The following CYP3A7 variants were observed in gnomAD, a reference collection of about 807,000 sequenced individuals.
CYP3A7 encodes cytochrome P450 family 3 subfamily A member 7.
Under a neutral mutation model 55.2 loss-of-function variants are expected in CYP3A7, and 45 were observed. The observed-to-expected ratio is 0.82, with a 90% CI of 0.64 to 1.05. The LOEUF (loss-of-function observed/expected upper bound fraction) is 1.05, where lower values mean the gene tolerates loss of function less well. CYP3A7 is among the 50% of genes least tolerant of loss of function. CYP3A7 has a pLI of 0.00. For missense variants in CYP3A7, 548 were observed against 605.3 expected, an observed-to-expected ratio of 0.91 and a Z score of 0.99; for synonymous variants, 180 against 207.4, an observed-to-expected ratio of 0.87 and a Z score of 1.13.
intron 2 of CYP3A7, among the ~76,000 whole-genome samples, chr7:99,722,906 G>C (rs1427397760): frequency 1.3e-5 from 2 of 152,154 alleles, no homozygotes; most frequent in South Asian, 4.1e-4. Context: ...GTGAGTGACA[G>C]AATGACAAAG....
intron 12 of CYP3A7, among the ~76,000 whole-genome samples, chr7:99,706,470 C>T (rs957540176): frequency 3.9e-5 from 6 of 152,172 alleles, no homozygotes; most frequent in Non-Finnish European, 7.3e-5. Flanking sequence ...ATATGGAAAC[C>T]ATCTCTATCT....
In CYP3A7 at chr7:99,722,331, G is replaced by A; in HGVS notation, c.183C>T (p.Asp61=). The change falls in exon 3 of 13, where the codon GAC becomes GAT. Residue 61 remains aspartate (D), a synonymous_variant. Coordinates refer to ENST00000336374, the MANE Select transcript of CYP3A7 (RefSeq NM_000765.5). ...LSFRKGYWTF[D]MECYKKYRKV... Reference sequence around the variant, plus strand: ...TTCTATACTTTTTATAACATTCCATGTCAAACGTCCAATAGCCCTGGGAGG... The same window carrying A: ...TTCTATACTTTTTATAACATTCCATATCAAACGTCCAATAGCCCTGGGAGG... 1 of 1,613,532 alleles carries A rather than the reference G, an allele frequency of 6.2e-7. No homozygotes were observed. Among genetic ancestry groups the A allele is most frequent in the South Asian group, 1.1e-5 (1 of 91,068 alleles).
At chr7:99,719,728 C>G (rs1238836182) in intron 4 of CYP3A7, among the ~76,000 whole-genome samples, 1 of 152,184 alleles carries the variant, frequency 6.6e-6, no homozygotes, top group Non-Finnish European at 1.5e-5. Flanking sequence ...GGGTCTGCAT[C>G]TTGATCATGC....
intron 7 of CYP3A7, chr7:99,715,203 G>A (rs1813893443): frequency 3.4e-5 from 6 of 174,084 alleles, no homozygotes; most frequent in Admixed American, 1.6e-4. Flanking sequence ...AATAGAAACT[G>A]TTTTGAGCTG....
chr7:99,723,611 C>T (rs1163827915), intron 2 of CYP3A7, among the ~76,000 whole-genome samples: 7 of 152,132 alleles, frequency 4.6e-5, no homozygotes, highest in South Asian at 2.1e-4. Flanking sequence ...GGGACTCCTT[C>T]GGGAGTCCCA....
At chr7:99,717,487 T>C (rs1289033462) in intron 5 of CYP3A7, 39 bp downstream of exon 5, 3 of 1,611,090 alleles carry the variant, frequency 1.9e-6, no homozygotes, top group Non-Finnish European at 2.5e-6. Flanking sequence ...CCTGATTCAT[T>C]CTTTAAGTTT....
chr7:99,708,719 C>G (rs1813622080), intron 11 of CYP3A7, among the ~76,000 whole-genome samples: 1 of 152,090 alleles, frequency 6.6e-6, no homozygotes, highest in Non-Finnish European at 1.5e-5. Context: ...AAAAAATATT[C>G]ATTTGTGGGA....
At chr7:99,722,601 G>A (rs1474413880) in intron 2 of CYP3A7, among the ~76,000 whole-genome samples, 2 of 152,122 alleles carry the variant, frequency 1.3e-5, no homozygotes, top group Non-Finnish European at 2.9e-5. Flanking sequence ...TAAATACTAA[G>A]TAACTCCTTG....
chr7:99,726,441 C>T (rs986981142), intron 2 of CYP3A7, among the ~76,000 whole-genome samples: 4 of 152,182 alleles, frequency 2.6e-5, no homozygotes, highest in Non-Finnish European at 4.4e-5. Flanking sequence ...TCCTATCCAC[C>T]CTGTGGTGCC....
At chr7:99,723,210 C>G (rs781368038) in intron 2 of CYP3A7, among the ~76,000 whole-genome samples, 1 of 152,150 alleles carries the variant, frequency 6.6e-6, no homozygotes, top group African/African-American at 2.4e-5. Flanking sequence ...CAACCAAAAA[C>G]TACAAATAGG....
intron 2 of CYP3A7, among the ~76,000 whole-genome samples, chr7:99,727,949 C>T (rs559362455): frequency 1.3e-5 from 2 of 152,338 alleles, no homozygotes; most frequent in African/African-American, 4.8e-5. Context: ...CCAAAAAAAG[C>T]TGGAGTCATT....
chr7:99,717,073 T>G, intron 6 of CYP3A7, 104 bp downstream of exon 6: 9 of 1,455,184 alleles, frequency 6.2e-6, no homozygotes, highest in Non-Finnish European at 7.7e-6. Context: ...GCCCTCCTTT[T>G]GTCTGGTCAC....
At chr7:99,732,328 G>A (rs1022074428) in intron 1 of CYP3A7, among the ~76,000 whole-genome samples, 1 of 152,146 alleles carries the variant, frequency 6.6e-6, no homozygotes, top group Non-Finnish European at 1.5e-5. Flanking sequence ...TATGCTTCCT[G>A]TAGAGCCTGC....
intron 5 of CYP3A7, 89 bp downstream of exon 5, chr7:99,717,437 C>T: frequency 6.3e-7 from 1 of 1,588,816 alleles, no homozygotes; most frequent in Non-Finnish European, 8.6e-7. Flanking sequence ...CAGACTACTC[C>T]TCGGAAAGGA....
At position 99,708,233 on chromosome 7, in the gene CYP3A7, A is replaced by G. The variant is rs564320651; in HGVS notation, c.1254-259T>C. ...ACTGTTGCAAAGTATATTTATTTCT[A>G]AACACTCAAATTATAGTCAGGATGG... On this transcript the variant is annotated intron_variant, in intron 11 of 12. Coordinates refer to ENST00000336374, the MANE Select transcript of CYP3A7 (RefSeq NM_000765.5). Among the ~76,000 whole-genome samples, 7 of 152,278 alleles carry G rather than the reference A, an allele frequency of 4.6e-5. No individual in the cohort carries two copies. In the South Asian group the frequency reaches 8.3e-4, roughly 18 times the overall value.
At chr7:99,722,484 A>G (rs568643960) in intron 2 of CYP3A7, 136 bp from the exon 3 acceptor site, 2 of 1,098,414 alleles carry the variant, frequency 1.8e-6, no homozygotes, top group Non-Finnish European at 2.6e-6. Context: ...TAGAGATGTC[A>G]TAAGAGAAAG....
intron 9 of CYP3A7, among the ~76,000 whole-genome samples, chr7:99,711,699 C>A (rs2151506483): frequency 6.6e-6 from 1 of 152,268 alleles, no homozygotes; most frequent in Non-Finnish European, 1.5e-5. Flanking sequence ...ATCTGGGAGG[C>A]TGAGGTTGTG....
At chr7:99,715,441 A>T (rs897994874) in intron 7 of CYP3A7, 13 of 346,906 alleles carry the variant, frequency 3.7e-5, no homozygotes, top group South Asian at 1.1e-4. Flanking sequence ...CTAGAGAATT[A>T]AAAAAACCCT....
intron 1 of CYP3A7, among the ~76,000 whole-genome samples, chr7:99,733,708 AATATCT>A (rs1159633056): frequency 6.6e-6 from 1 of 152,086 alleles, no homozygotes; most frequent in Non-Finnish European, 1.5e-5. Context: ...AGGACCCATG[AATATCT>A]ATTTGGAGTT....
Sources: gnomAD v4.1 joint callset for allele counts (sites outside exome capture counted in the v4.1 genomes callset) on GRCh38, gnomAD v4.1.1 for gene constraint, MANE v1.5 for transcripts, NCBI Gene and HGNC (gene_info 2026-07-23, HGNC 2026-07-21) for gene names.